Variants in CTTNBP2 observed in about 807,000 individuals in gnomAD.
The protein encoded by CTTNBP2 is cortactin binding protein 2, also known as cortactin-binding protein 2.
In CTTNBP2, 108 loss-of-function variants were observed where a neutral mutation model predicts 156.9. The ratio of observed to expected loss-of-function variants is 0.69; its 90% CI spans 0.59 to 0.81. CTTNBP2 has a LOEUF of 0.81. Among genes scored for constraint, CTTNBP2 ranks in the 30% least tolerant of loss-of-function variants. CTTNBP2 has a pLI of 0.00. For missense variants in CTTNBP2, 1,924 were observed against 2,035.4 expected, an observed-to-expected ratio of 0.95 and a Z score of 1.05; for synonymous variants, 767 against 751.8, an observed-to-expected ratio of 1.02 and a Z score of -0.33.
At chr7:117,712,177 T>C (rs1408276245) in intron 22 of CTTNBP2, among the ~76,000 whole-genome samples, 1 of 152,218 alleles carries the variant, frequency 6.6e-6, no homozygotes, top group East Asian at 1.9e-4. Flanking sequence ...CTTTCAAGTC[T>C]TAAAAGTGAA....
In CTTNBP2 at chr7:117,756,605, T is replaced by C. The variant is rs1370037710; in HGVS notation, c.3298A>G (p.Thr1100Ala). 6.2e-7 allele frequency: 1 copy of C among 1,613,632 alleles called. No individual in the cohort carries two copies. The highest frequency in any genetic ancestry group is 8.5e-7 in the Non-Finnish European group (1 of 1,179,608). Residue 1100 changes from threonine (T) to alanine (A), a missense_variant, in exon 12 of 23, where the codon ACT becomes GCT. Thr to Ala is a moderately conservative substitution (Grantham distance 58). Coordinates refer to ENST00000160373, the MANE Select transcript of CTTNBP2 (RefSeq NM_033427.3). ...GPQEGCLSSV[T>A]YASMIPLQMM... ...TGGAGAGGGATCATGGAGGCATAAG[T>C]CACACTACTGAGACAGCCTTCTTGA...
At chr7:117,756,292 C>T (rs1796877952) in intron 12 of CTTNBP2, among the ~76,000 whole-genome samples, 1 of 152,160 alleles carries the variant, frequency 6.6e-6, no homozygotes, top group Admixed American at 6.6e-5. Context: ...TAAAGGAAGA[C>T]ATCCTGCTCC....
At position 117,711,436 on chromosome 7, in the gene CTTNBP2, A is replaced by C. The variant is rs1156402009; in HGVS notation, c.*101T>G. 1 of 1,304,204 alleles carries C rather than the reference A, an allele frequency of 7.7e-7. No homozygotes were observed. The highest frequency in any genetic ancestry group is 1.1e-6 in the Non-Finnish European group (1 of 949,252). The allele number at this position is 1,304,204 out of a possible 1,614,324, so 80.8% of individuals were successfully genotyped here. ...TGGTCCCGCACTCATAATTTATATTACAGTGAAAACATTTTATCAATTTAA... is the reference window on the plus strand; with the variant it reads ...TGGTCCCGCACTCATAATTTATATTCCAGTGAAAACATTTTATCAATTTAA... On this transcript the variant is annotated 3_prime_UTR_variant, in exon 23 of 23. Coordinates refer to ENST00000160373, the MANE Select transcript of CTTNBP2 (RefSeq NM_033427.3).
intron 6 of CTTNBP2, among the ~76,000 whole-genome samples, chr7:117,781,244 A>T (rs1219429147): frequency 6.6e-6 from 1 of 152,270 alleles, no homozygotes; most frequent in Non-Finnish European, 1.5e-5. Flanking sequence ...CTAGCTAAAC[A>T]TGTAGAGCTT....
intron 18 of CTTNBP2, 56 bp downstream of exon 18, chr7:117,724,996 A>T: frequency 1.3e-6 from 2 of 1,514,286 alleles, no homozygotes; most frequent in Non-Finnish European, 1.8e-6. Context: ...AACAGCTTTT[A>T]AAAGGTATTT....
At chr7:117,871,064 T>C (rs1300120078) in intron 1 of CTTNBP2, among the ~76,000 whole-genome samples, 1 of 152,206 alleles carries the variant, frequency 6.6e-6, no homozygotes, top group Non-Finnish European at 1.5e-5. Flanking sequence ...GCCAAATGTA[T>C]ACATAAAAAT....
At chr7:117,756,529 G>A (rs371663905) in intron 12 of CTTNBP2, 26 bp downstream of exon 12, 10 of 1,565,016 alleles carry the variant, frequency 6.4e-6, no homozygotes, top group Non-Finnish European at 8.8e-6. Flanking sequence ...GAAAACACAG[G>A]TCTCCACCCA....
intron 6 of CTTNBP2, among the ~76,000 whole-genome samples, chr7:117,781,154 T>C (rs1001870889): frequency 4.6e-5 from 7 of 152,164 alleles, no homozygotes; most frequent in Non-Finnish European, 1.0e-4. Context: ...GAGGAAAAGA[T>C]AGCTAAGCAG....
intron 6 of CTTNBP2, among the ~76,000 whole-genome samples, chr7:117,782,070 A>G (rs760651630): frequency 1.3e-5 from 2 of 152,172 alleles, no homozygotes; most frequent in Non-Finnish European, 2.9e-5. Context: ...GATTAATAAC[A>G]TGGGGTCAAC....
At chr7:117,823,263 AT>A (rs1214517339) in intron 2 of CTTNBP2, among the ~76,000 whole-genome samples, 1 of 152,204 alleles carries the variant, frequency 6.6e-6, no homozygotes, top group African/African-American at 2.4e-5. Context: ...TGCAATTTAG[AT>A]TTCATCTGCT....
In CTTNBP2 at chr7:117,873,359, C is replaced by A; in HGVS notation, c.57G>T (p.Ala19=). The A allele has an allele frequency of 6.8e-7, 1 of 1,465,468 alleles. No individual in the cohort carries two copies. Among genetic ancestry groups the A allele is most frequent in the South Asian group, 1.3e-5 (1 of 75,682 alleles). The allele number at this position is 1,465,468 out of a possible 1,614,324, so 90.8% of individuals were successfully genotyped here. A position where few individuals can be genotyped will look rare whatever the true frequency, so the allele number is the denominator to read the frequency against. ...EPDLSRAPED[A]AGAAAEAAKK... ...CCGCCGCCTCCGCCGCGGCCCCCGC[C>A]GCGTCCTCCGGGGCCCGGGACAAGT... Residue 19 remains alanine (A), a synonymous_variant, in exon 1 of 23, where the codon GCG becomes GCT. Coordinates refer to ENST00000160373, the MANE Select transcript of CTTNBP2 (RefSeq NM_033427.3).
intron 2 of CTTNBP2, among the ~76,000 whole-genome samples, chr7:117,814,768 T>A (rs1051633593): frequency 6.6e-6 from 1 of 152,212 alleles, no homozygotes; most frequent in African/African-American, 2.4e-5. Context: ...TGGACTGACA[T>A]TTAGCCTTTA....
chr7:117,748,486 TATCTC>T (rs1212208656), intron 12 of CTTNBP2, among the ~76,000 whole-genome samples: 4 of 152,246 alleles, frequency 2.6e-5, no homozygotes, highest in African/African-American at 7.2e-5. Flanking sequence ...TCTGTCATCT[TATCTC>T]ATCATTATAG....
At chr7:117,866,264 T>TA (rs1189561795) in intron 1 of CTTNBP2, among the ~76,000 whole-genome samples, 1 of 152,084 alleles carries the variant, frequency 6.6e-6, no homozygotes, top group African/African-American at 2.4e-5. Flanking sequence ...ATTCAATAGA[T>TA]ACAGCTAAAT....
At chr7:117,858,317 C>A (rs749492414) in intron 2 of CTTNBP2, among the ~76,000 whole-genome samples, 1 of 152,132 alleles carries the variant, frequency 6.6e-6, no homozygotes, top group Non-Finnish European at 1.5e-5. Context: ...TTGCAGTGAG[C>A]CGAGATCGCA....
intron 7 of CTTNBP2, among the ~76,000 whole-genome samples, chr7:117,778,981 G>A (rs1798257326): frequency 6.6e-6 from 1 of 152,110 alleles, no homozygotes; most frequent in South Asian, 2.1e-4. Flanking sequence ...ATCTAAATTT[G>A]GGCTAAGTCA....
intron 10 of CTTNBP2, 56 bp downstream of exon 10, chr7:117,760,379 C>A (rs1308686014): frequency 1.3e-6 from 2 of 1,548,056 alleles, no homozygotes; most frequent in Non-Finnish European, 1.8e-6. Context: ...ATGAAACCCA[C>A]AAACATAAAT....
chr7:117,836,282 T>C (rs964345770), intron 2 of CTTNBP2, among the ~76,000 whole-genome samples: 21 of 152,154 alleles, frequency 1.4e-4, no homozygotes, highest in African/African-American at 4.1e-4. Flanking sequence ...CTGAAGACAG[T>C]GGCTGGGAGC....
chr7:117,851,791 A>G (rs1308870833), intron 2 of CTTNBP2, among the ~76,000 whole-genome samples: 1 of 152,184 alleles, frequency 6.6e-6, no homozygotes, highest in African/African-American at 2.4e-5. Context: ...GACATGATGG[A>G]AGGTTGCTTC....
Sources: gnomAD v4.1 joint callset for allele counts (sites outside exome capture counted in the v4.1 genomes callset) on GRCh38, gnomAD v4.1.1 for gene constraint, MANE v1.5 for transcripts, NCBI Gene and HGNC (gene_info 2026-07-23, HGNC 2026-07-21) for gene names.